USP34: variants seen among roughly 807,000 people sequenced by gnomAD.
USP34 encodes ubiquitin specific peptidase 34.
A neutral mutation model predicts 460.3 loss-of-function variants in USP34; 70 were observed. That is an observed-to-expected ratio of 0.15 (90% CI 0.13 to 0.19). The LOEUF is 0.19. Ranked by LOEUF, USP34 falls within the 10% of genes least tolerant of loss-of-function variation. USP34 has a pLI of 1.00. For synonymous variants in USP34, 1,647 were observed against 1,405.3 expected (o/e 1.17, Z -3.85); for missense variants, 3,985 against 4,236.2 (o/e 0.94, Z 1.65).
chr2:61,260,696 G>C (rs1558496524), intron 43 of USP34, among the ~76,000 whole-genome samples: 1 of 152,100 alleles, frequency 6.6e-6, no homozygotes, highest in Non-Finnish European at 1.5e-5. Flanking sequence ...AATAATTCCA[G>C]TGTACTCCTG....
chr2:61,301,023 A>T lies in USP34; in HGVS notation c.4056T>A (p.Thr1352=). The T allele has an allele frequency of 6.2e-7, 1 of 1,614,038 alleles. No homozygotes were observed. The highest frequency in any genetic ancestry group is 8.5e-7 in the Non-Finnish European group (1 of 1,179,972). Residue 1352 remains threonine (T), a synonymous_variant, in exon 29 of 80, where the codon ACT becomes ACA. Transcript: ENST00000398571. ...CAAGCATCTCTAATAAATCAAAAAG[A>T]GTAGTTAAATGAGGCTCTTGTAAAA... The part of the protein sequence containing the change: ...LLLLQEPHLT[T]LFDLLEMLAS...
At chr2:61,411,337 T>C (rs1694032225) in intron 2 of USP34, among the ~76,000 whole-genome samples, 1 of 148,304 alleles carries the variant, frequency 6.7e-6, no homozygotes, top group African/African-American at 2.5e-5. Flanking sequence ...AGCTAGACTA[T>C]GCCACTGTAC....
At chr2:61,436,018 A>AC (rs1694803629) in intron 1 of USP34, among the ~76,000 whole-genome samples, 1 of 152,078 alleles carries the variant, frequency 6.6e-6, no homozygotes, top group African/African-American at 2.4e-5. Context: ...ACAAAGTGAG[A>AC]CACCATCTCA....
intron 5 of USP34, among the ~76,000 whole-genome samples, chr2:61,387,549 T>C (rs577746502): frequency 6.8e-6 from 1 of 146,352 alleles, no homozygotes; most frequent in East Asian, 2.1e-4. Flanking sequence ...ATATATAAAA[T>C]ATATATATTT....
At chr2:61,229,726 T>C in intron 58 of USP34, 93 bp from the exon 59 acceptor site, 1 of 1,090,220 alleles carries the variant, frequency 9.2e-7, no homozygotes, top group Non-Finnish European at 1.4e-6. Flanking sequence ...TGCCACCCAT[T>C]TATAGTTTGC....
chr2:61,405,141 G>C (rs1008248379), intron 3 of USP34, among the ~76,000 whole-genome samples: 1 of 145,596 alleles, frequency 6.9e-6, no homozygotes, highest in Non-Finnish European at 1.5e-5. Flanking sequence ...GCTGAGGCAA[G>C]AGAATGGCAT....
intron 1 of USP34, among the ~76,000 whole-genome samples, chr2:61,441,809 AAAAAAAG>A (rs1479903145): frequency 4.0e-5 from 6 of 151,374 alleles, no homozygotes; most frequent in African/African-American, 1.2e-4. Context: ...TTACAAAAAA[AAAAAAAG>A]AAAAAAGAAA....
chr2:61,274,694 C>A (rs529827819), intron 41 of USP34, among the ~76,000 whole-genome samples: 1 of 152,090 alleles, frequency 6.6e-6, no homozygotes, highest in African/African-American at 2.4e-5. Flanking sequence ...ATTATCTAAA[C>A]GTATAGTATG....
At position 61,208,894 on chromosome 2, in the gene USP34, T is replaced by C. The variant is rs756250439; in HGVS notation, c.8919+5A>G. 1.1e-5 allele frequency: 18 copies of C among 1,579,646 alleles called. No homozygotes were observed. Among genetic ancestry groups the C allele is most frequent in the Non-Finnish European group, 1.5e-5 (17 of 1,159,736 alleles). On this transcript the variant is annotated splice_donor_5th_base_variant and intron_variant, in intron 70 of 79. Coordinates refer to ENST00000398571, the MANE Select transcript of USP34 (RefSeq NM_014709.4). ...ATCCACAGTAAAATGCAATAGAATATTTACCTCTGTCATTAGAATCAATCC... is the reference window on the plus strand; with the variant it reads ...ATCCACAGTAAAATGCAATAGAATACTTACCTCTGTCATTAGAATCAATCC...
At chr2:61,323,375 G>A (rs1331312896) in intron 21 of USP34, among the ~76,000 whole-genome samples, 1 of 152,102 alleles carries the variant, frequency 6.6e-6, no homozygotes, top group Non-Finnish European at 1.5e-5. Context: ...TTAGCTGGGT[G>A]TGGTGGTGGG....
chr2:61,221,599 T>A lies in USP34; in HGVS notation c.7802A>T (p.Asn2601Ile). Residue 2601 changes from asparagine (N) to isoleucine (I), a missense_variant, in exon 66 of 80, where the codon AAT becomes ATT. Asn to Ile is a moderately radical substitution (Grantham distance 149). Transcript: ENST00000398571. ...CATAGTCAACAACTTAAAGAAAGGA[T>A]TGGCTGCCTGTAAAACACATACATG... is the stretch of plus-strand genomic sequence containing the variant. ...SIAKLTPEAA[N>I]PFFKLLTMLM... is the part of the protein sequence containing the mutation. 1 of 1,613,892 alleles carries A rather than the reference T, an allele frequency of 6.2e-7. No individual in the cohort carries two copies. Among genetic ancestry groups the A allele is most frequent in the Non-Finnish European group, 8.5e-7 (1 of 1,179,898 alleles).
chr2:61,325,496 T>C (rs781215201), intron 20 of USP34, 39 bp from the exon 21 acceptor site: 2 of 1,326,952 alleles, frequency 1.5e-6, no homozygotes, highest in South Asian at 1.6e-5. Context: ...AAATATCCTA[T>C]TTCTTAATTA....
intron 27 of USP34, among the ~76,000 whole-genome samples, chr2:61,301,758 C>T (rs143778302): frequency 1.3e-5 from 2 of 152,328 alleles, no homozygotes; most frequent in Non-Finnish European, 2.9e-5. Flanking sequence ...ACTAAGATTT[C>T]TCTCCAGGAA....
intron 1 of USP34, among the ~76,000 whole-genome samples, chr2:61,429,225 A>G (rs1037185594): frequency 9.2e-5 from 14 of 152,076 alleles, no homozygotes; most frequent in African/African-American, 3.4e-4. Context: ...AGGCAGGCGG[A>G]TCACGAGGTC....
At chr2:61,234,403 G>A (rs1362233543) in intron 57 of USP34, among the ~76,000 whole-genome samples, 1 of 152,156 alleles carries the variant, frequency 6.6e-6, no homozygotes, top group Non-Finnish European at 1.5e-5. Flanking sequence ...CTTTGAGTGG[G>A]TTATCCTTAG....
chr2:61,282,063 C>A (rs1689551176), intron 37 of USP34, among the ~76,000 whole-genome samples: 1 of 152,168 alleles, frequency 6.6e-6, no homozygotes, highest in Non-Finnish European at 1.5e-5. Flanking sequence ...GATCTTGGCT[C>A]ACTGCAACCT....
At chr2:61,298,364 CAAAAAAA>C (rs11417017) in intron 29 of USP34, among the ~76,000 whole-genome samples, 3 of 48,048 alleles carry the variant, frequency 6.2e-5, no homozygotes, top group African/African-American at 2.5e-4. Flanking sequence ...TACAAAAATA[CAAAAAAA>C]AAAAAAAAAA....
intron 2 of USP34, 135 bp downstream of exon 2, chr2:61,420,611 T>C (rs967855921): frequency 1.4e-5 from 7 of 486,006 alleles, no homozygotes; most frequent in African/African-American, 1.0e-4. Flanking sequence ...AAAGATTTAA[T>C]AAATATTGAC....
chr2:61,454,210 C>T (rs370682146), intron 1 of USP34, among the ~76,000 whole-genome samples: 96 of 152,240 alleles, frequency 6.3e-4, no homozygotes, highest in African/African-American at 2.2e-3. Flanking sequence ...CTGCAACCTC[C>T]ACCTCCCAGG....
Sources: gnomAD v4.1 joint callset for allele counts (sites outside exome capture counted in the v4.1 genomes callset) on GRCh38, gnomAD v4.1.1 for gene constraint, MANE v1.5 for transcripts, NCBI Gene and HGNC (gene_info 2026-07-23, HGNC 2026-07-21) for gene names.